CLVS1: variants seen among roughly 807,000 people sequenced by gnomAD.
CLVS1 encodes clavesin-1.
Under a neutral mutation model 33.1 loss-of-function variants are expected in CLVS1, and 10 were observed. The ratio of observed to expected loss-of-function variants is 0.30; its 90% CI spans 0.19 to 0.51. The LOEUF is 0.51. Ranked by LOEUF, CLVS1 falls within the 20% of genes least tolerant of loss-of-function variation. The pLI, the probability that CLVS1 is intolerant of heterozygous loss-of-function variation, is 0.97. For missense variants in CLVS1, 343 were observed against 433.4 expected, an observed-to-expected ratio of 0.79 and a Z score of 1.85; for synonymous variants, 163 against 166.1, an observed-to-expected ratio of 0.98 and a Z score of 0.14.
upstream of CLVS1, among the ~76,000 whole-genome samples, chr8:61,285,596 C>CA (rs1459148620): frequency 2.6e-5 from 4 of 152,206 alleles, no homozygotes; most frequent in Non-Finnish European, 5.9e-5. Context: ...TCGCTCCTGG[C>CA]ACGCCCAACT....
intron 2 of CLVS1, among the ~76,000 whole-genome samples, chr8:61,214,617 A>G (rs1019636867): frequency 6.6e-6 from 1 of 152,204 alleles, no homozygotes; most frequent in Admixed American, 6.5e-5. Flanking sequence ...GATCTTCGAC[A>G]TCTTACCTCC....
the CLVS1 span, among the ~76,000 whole-genome samples, chr8:61,004,485 C>T: frequency 1.3e-5 from 2 of 152,204 alleles, no homozygotes; most frequent in Non-Finnish European, 2.9e-5. Context: ...ACTGAAGGCT[C>T]AGTTCAGACT....
At chr8:61,382,490 T>C (rs1813920485) in intron 3 of CLVS1, among the ~76,000 whole-genome samples, 1 of 152,150 alleles carries the variant, frequency 6.6e-6, no homozygotes, top group African/African-American at 2.4e-5. Context: ...TGGTTAGAAA[T>C]GCAGATTTTC....
At chr8:61,140,667 A>G (rs1806291247) in intron 2 of CLVS1, among the ~76,000 whole-genome samples, 1 of 151,854 alleles carries the variant, frequency 6.6e-6, no homozygotes, top group Non-Finnish European at 1.5e-5. Context: ...GGTTCATGCC[A>G]TTCTCCTGCC....
intron 1 of CLVS1, among the ~76,000 whole-genome samples, chr8:61,060,855 T>A (rs1030819895): frequency 6.6e-6 from 1 of 152,196 alleles, no homozygotes; most frequent in Admixed American, 6.5e-5. Flanking sequence ...AAACCAGGCC[T>A]GATAACAAAA....
intron 2 of CLVS1, among the ~76,000 whole-genome samples, chr8:61,173,509 G>T (rs1029580268): frequency 6.6e-6 from 1 of 152,086 alleles, no homozygotes. Flanking sequence ...TCTTAGCACC[G>T]CTTTTGCTGT....
chr8:61,496,856 C>T (rs1804284443), intron 5 of CLVS1, among the ~76,000 whole-genome samples: 2 of 152,120 alleles, frequency 1.3e-5, no homozygotes, highest in Admixed American at 1.3e-4. Context: ...CTTTGGTATA[C>T]CCAGGAACTG....
chr8:61,142,559 A>G (rs1460712433), intron 2 of CLVS1, among the ~76,000 whole-genome samples: 1 of 152,262 alleles, frequency 6.6e-6, no homozygotes, highest in African/African-American at 2.4e-5. Flanking sequence ...GCCTCTTGCC[A>G]TCACAGATAA....
At chr8:61,226,051 T>C (rs1212320624) in intron 2 of CLVS1, among the ~76,000 whole-genome samples, 3 of 152,248 alleles carry the variant, frequency 2.0e-5, no homozygotes, top group African/African-American at 7.2e-5. Context: ...AGACATTTTA[T>C]GTAAGCTTTT....
chr8:61,357,458 G>GTT (rs368964889), intron 2 of CLVS1, among the ~76,000 whole-genome samples: 4 of 84,466 alleles, frequency 4.7e-5, no homozygotes, highest in African/African-American at 1.5e-4. Context: ...TTGCCAGGAC[G>GTT]TTTTTTTTTC....
chr8:61,471,936 C>T (rs569124445), intron 5 of CLVS1, among the ~76,000 whole-genome samples: 183 of 152,326 alleles, frequency 1.2e-3, no homozygotes, highest in African/African-American at 4.0e-3. Context: ...AGGCCCCTCC[C>T]GGGCACACAC....
intron 2 of CLVS1, among the ~76,000 whole-genome samples, chr8:61,248,641 C>T (rs1808867622): frequency 7.7e-6 from 1 of 129,386 alleles, no homozygotes; most frequent in Non-Finnish European, 1.5e-5. Flanking sequence ...ATCACCAAGT[C>T]ATTTATATAT....
At chr8:61,235,805 G>A (rs959948931) in intron 2 of CLVS1, among the ~76,000 whole-genome samples, 3 of 152,184 alleles carry the variant, frequency 2.0e-5, no homozygotes, top group Admixed American at 1.3e-4. Flanking sequence ...GAATGTACAA[G>A]CCACTTCTTG....
chr8:61,153,901 T>C (rs1371846523), intron 2 of CLVS1, among the ~76,000 whole-genome samples: 1 of 152,196 alleles, frequency 6.6e-6, no homozygotes, highest in African/African-American at 2.4e-5. Context: ...ATTGCACCAA[T>C]ACAATTGGAT....
intron 1 of CLVS1, among the ~76,000 whole-genome samples, chr8:61,107,876 C>T (rs1341885804): frequency 6.6e-6 from 1 of 152,136 alleles, no homozygotes; most frequent in East Asian, 1.9e-4. Context: ...TTTTTATGTT[C>T]TCTGGTTATT....
chr8:61,401,579 T>TAGGAA (rs1377541341), intron 3 of CLVS1, among the ~76,000 whole-genome samples: 34 of 152,254 alleles, frequency 2.2e-4, no homozygotes, highest in African/African-American at 8.2e-4. Context: ...AATGGAAAAA[T>TAGGAA]GTTCCATGCT....
intron 1 of CLVS1, among the ~76,000 whole-genome samples, chr8:61,058,308 G>A (rs1563387447): frequency 1.3e-5 from 2 of 152,194 alleles, no homozygotes; most frequent in Admixed American, 6.5e-5. Flanking sequence ...AGATGGAGAC[G>A]TGGCTGGTGT....
intron 2 of CLVS1, among the ~76,000 whole-genome samples, chr8:61,311,920 G>A (rs1008105300): frequency 1.1e-4 from 16 of 152,226 alleles, no homozygotes; most frequent in African/African-American, 3.9e-4. Context: ...AAAGGTCAGT[G>A]TCAGTAAAAG....
Position 61,269,598 on chromosome 8 carries a change from T to C in CLVS1, c.-151-30079T>C, listed in dbSNP as rs1470882708. Among the ~76,000 whole-genome samples the C allele has an allele frequency of 3.3e-5, 5 of 151,566 alleles. No individual in the cohort carries two copies. The East Asian group carries it at 5.8e-4, about 18-fold the overall frequency. On this transcript the variant is annotated intron_variant, in intron 2 of 2. Coordinates refer to the CLVS1 transcript ENST00000522621. ...TGGGGATGGCATTGAATCTGTAAAT[T>C]ACCTTGGGCAGTATGGCCATTTTCA...
Sources: allele counts gnomAD v4.1 joint callset (sites outside exome capture counted in the v4.1 genomes callset), GRCh38; gene constraint gnomAD v4.1.1; transcripts MANE v1.5; gene names NCBI Gene and HGNC (gene_info 2026-07-23, HGNC 2026-07-21).